Variants in AGO3 observed in about 807,000 individuals in gnomAD.
The protein encoded by AGO3 is protein argonaute-3.
In AGO3, 16 loss-of-function variants were observed where a neutral mutation model predicts 105.5. The ratio of observed to expected loss-of-function variants is 0.15; its 90% CI spans 0.10 to 0.23. AGO3 has a LOEUF of 0.23. AGO3 is among the 10% of genes least tolerant of loss of function. AGO3 has a pLI of 1.00. For missense variants in AGO3, 534 were observed against 1,088.0 expected (o/e 0.49, Z 7.16); for synonymous variants, 340 against 367.3 (o/e 0.93, Z 0.85).
chr1:35,984,358 A>G lies in AGO3; in HGVS notation c.658+10847A>G, dbSNP rs945153287. The G allele has an allele frequency of 7.2e-5, 11 of 152,250 alleles. No homozygotes were observed. In the South Asian group the frequency reaches 2.1e-3, roughly 29 times the overall value. The allele number at this position is 152,250 out of a possible 1,614,324, so 9.4% of individuals were successfully genotyped here. A position where few individuals can be genotyped will look rare whatever the true frequency, so the allele number is the denominator to read the frequency against. ...CTCTAAAAAAAGAAACAAAAAGTAG[A>G]TGATTTCACAGTTAAACAATGAGAG... On this transcript the variant is annotated intron_variant, in intron 5 of 18. Transcript: ENST00000373191.
At chr1:36,006,296 A>G (rs1263930177) in intron 6 of AGO3, among the ~76,000 whole-genome samples, 2 of 152,108 alleles carry the variant, frequency 1.3e-5, no homozygotes, top group Non-Finnish European at 2.9e-5. Context: ...TAGTATATTC[A>G]TCTTTTTCCA....
At chr1:35,944,469 TTC>T (rs1011993505) in intron 1 of AGO3, among the ~76,000 whole-genome samples, 1 of 152,042 alleles carries the variant, frequency 6.6e-6, no homozygotes. Flanking sequence ...TTTTTTTCAC[TTC>T]TGTTATTAGT....
At chr1:36,020,703 C>T (rs1044711810) in intron 11 of AGO3, among the ~76,000 whole-genome samples, 4 of 152,126 alleles carry the variant, frequency 2.6e-5, no homozygotes, top group South Asian at 2.1e-4. Context: ...GCAACCTCCT[C>T]CTTCCTGGTT....
chr1:36,013,666 C>G lies in AGO3; in HGVS notation c.1186C>G (p.Gln396Glu). 1 of 1,614,058 alleles carries G rather than the reference C, an allele frequency of 6.2e-7. No homozygotes were observed. The highest frequency in any genetic ancestry group is 8.5e-7 in the Non-Finnish European group (1 of 1,179,996). The change falls in exon 10 of 19, where the codon CAG becomes GAG. Residue 396 changes from glutamine (Q) to glutamate (E), a missense_variant. By Grantham distance (29) the Gln-to-Glu change is conservative (BLOSUM62 2). Around this residue, in one of 2 missense-constraint regions of AGO3, gnomAD observed 373 missense variants for 854.0 expected, o/e 0.44. Coordinates refer to ENST00000373191, the MANE Select transcript of AGO3 (RefSeq NM_024852.4). ...SANYETDPFV[Q>E]EFQFKVRDEM... ...AAATTATGAAACAGATCCATTTGTT[C>G]AGGAGTTTCAATTTAAAGTTCGGGA...
rs768851647 is a variant in AGO3, at chr1:36,067,522, A to AT, written c.*11778dup. 2.6e-5 allele frequency: 4 copies of AT among 152,264 alleles called. No homozygotes were observed. Among genetic ancestry groups the AT allele is most frequent in the Non-Finnish European group, 4.4e-5 (3 of 68,068 alleles). The allele number at this position is 152,264 out of a possible 1,614,324, so 9.4% of individuals were successfully genotyped here. A position where few individuals can be genotyped will look rare whatever the true frequency, so the allele number is the denominator to read the frequency against. ...CAGGAGTTTGAGACCAGCGTGGCCA[A>AT]TATGGTGAAACCCTGTCTCTACTAA... On this transcript the variant is annotated 3_prime_UTR_variant, in exon 19 of 19. Coordinates refer to ENST00000373191, the MANE Select transcript of AGO3 (RefSeq NM_024852.4).
At chr1:35,952,558 T>G (rs1164573738) in intron 2 of AGO3, among the ~76,000 whole-genome samples, 1 of 152,216 alleles carries the variant, frequency 6.6e-6, no homozygotes, top group Non-Finnish European at 1.5e-5. Context: ...ATTCAGGCAC[T>G]GCATAACTTT....
chr1:35,986,561 C>T (rs1031094493), intron 5 of AGO3, among the ~76,000 whole-genome samples: 5 of 151,948 alleles, frequency 3.3e-5, no homozygotes, highest in African/African-American at 7.2e-5. Flanking sequence ...TGGTAGTGCA[C>T]GTCTATAATC....
intron 11 of AGO3, among the ~76,000 whole-genome samples, chr1:36,018,011 C>CTT (rs565672579): frequency 1.4e-5 from 2 of 144,476 alleles, no homozygotes; most frequent in African/African-American, 2.5e-5. Context: ...ACAATGTTCT[C>CTT]TTTTTTTTTT....
chr1:35,933,352 C>G (rs1417358114), intron 1 of AGO3, among the ~76,000 whole-genome samples: 3 of 151,852 alleles, frequency 2.0e-5, no homozygotes, highest in Admixed American at 6.6e-5. Context: ...ATTTTAAATC[C>G]ATAATTTAGG....
chr1:36,048,028 C>A (rs999518428), intron 17 of AGO3, among the ~76,000 whole-genome samples: 5 of 152,004 alleles, frequency 3.3e-5, no homozygotes, highest in Non-Finnish European at 7.4e-5. Context: ...AAGTCAAGGA[C>A]AGACAGAATT....
chr1:35,971,173 A>T (rs537928708), intron 3 of AGO3, among the ~76,000 whole-genome samples: 158 of 140,848 alleles, frequency 1.1e-3, no homozygotes, highest in African/African-American at 2.6e-3. Context: ...TTATTTATTT[A>T]TTTTTTTTTT....
chr1:36,025,082 C>T (rs1225254881), intron 11 of AGO3, among the ~76,000 whole-genome samples: 1 of 152,038 alleles, frequency 6.6e-6, no homozygotes, highest in Non-Finnish European at 1.5e-5. Flanking sequence ...AGAAATGATC[C>T]TTATCTAATT....
intron 5 of AGO3, among the ~76,000 whole-genome samples, chr1:35,998,081 A>G (rs1472979144): frequency 6.6e-6 from 1 of 152,216 alleles, no homozygotes; most frequent in Non-Finnish European, 1.5e-5. Flanking sequence ...GAGATATACT[A>G]TGTTTATGAA....
At chr1:36,014,315 C>A (rs1310640810) in intron 11 of AGO3, among the ~76,000 whole-genome samples, 1 of 151,884 alleles carries the variant, frequency 6.6e-6, no homozygotes, top group East Asian at 2.0e-4. Flanking sequence ...TGTGCCACCA[C>A]GCCCAGCTAA....
At chr1:35,931,738 G>A (rs906758592) in intron 1 of AGO3, among the ~76,000 whole-genome samples, 1 of 152,258 alleles carries the variant, frequency 6.6e-6, no homozygotes, top group South Asian at 2.1e-4. Flanking sequence ...ACTTTAGAAT[G>A]GTTTGCCATT....
At chr1:35,951,206 T>C (rs1285970372) in intron 2 of AGO3, among the ~76,000 whole-genome samples, 5 of 152,056 alleles carry the variant, frequency 3.3e-5, no homozygotes, top group Admixed American at 1.3e-4. Flanking sequence ...CCACCTCGGC[T>C]TCCCGAAGTG....
chr1:35,944,719 G>A (rs536146993), intron 1 of AGO3, among the ~76,000 whole-genome samples: 315 of 151,988 alleles, frequency 2.1e-3, no homozygotes, highest in Non-Finnish European at 3.4e-3. Flanking sequence ...GGCCAGGCTG[G>A]TCTTGAACTC....
chr1:35,972,252 T>C lies in AGO3; in HGVS notation c.521+20T>C, dbSNP rs1195251509. 7 of 1,611,226 alleles carry C rather than the reference T, an allele frequency of 4.3e-6. No individual in the cohort carries two copies. The highest frequency in any genetic ancestry group is 5.9e-6 in the Non-Finnish European group (7 of 1,178,752). On this transcript the variant is annotated intron_variant, in intron 4 of 18. Transcript: ENST00000373191. ...CATGAAGTGGGTGCTTCTGCTTTTT[T>C]TCTCTTTAGATTTTAAACTCCCAAG...
At position 36,071,503 on chromosome 1, in the gene AGO3, T is replaced by G. The variant is rs184400326; in HGVS notation, c.*15758T>G. 1.2e-4 allele frequency: 18 copies of G among 152,304 alleles called. No homozygotes were observed. Among genetic ancestry groups the G allele is most frequent in the Admixed American group, 1.2e-3 (18 of 15,284 alleles). The allele number at this position is 152,304 out of a possible 1,614,324, so 9.4% of individuals were successfully genotyped here. The stretch of plus-strand genomic sequence containing the variant: ...GTAACCTCTTTCTCCATCCTCCTTT[T>G]CCACACTATTCTTGCCAAATATTTC... On this transcript the variant is annotated 3_prime_UTR_variant, in exon 19 of 19. Coordinates refer to ENST00000373191, the MANE Select transcript of AGO3 (RefSeq NM_024852.4).
Sources: gnomAD v4.1 joint callset for allele counts (sites outside exome capture counted in the v4.1 genomes callset) on GRCh38, gnomAD v4.1.1 for gene constraint, gnomAD v4.1.1 regional missense constraint, MANE v1.5 for transcripts, NCBI Gene and HGNC (gene_info 2026-07-23, HGNC 2026-07-21) for gene names.